ZMYM2: variants seen among roughly 807,000 people sequenced by gnomAD.
ZMYM2 encodes zinc finger MYM-type containing 2, also known as zinc finger MYM-type protein 2.
In ZMYM2, 56 loss-of-function variants were observed where a neutral mutation model predicts 162.8. The observed-to-expected ratio is 0.34, with a 90% CI of 0.28 to 0.43. The LOEUF (loss-of-function observed/expected upper bound fraction) is 0.43, where lower values mean the gene tolerates loss of function less well. Ranked by LOEUF, ZMYM2 falls within the 20% of genes least tolerant of loss-of-function variation. The pLI is 1.00. For synonymous variants in ZMYM2, 510 were observed against 541.6 expected (o/e 0.94, Z 0.81); for missense variants, 1,275 against 1,621.8 (o/e 0.79, Z 3.67).
chr13:19,976,137 T>C (rs1468914162), intron 2 of ZMYM2, among the ~76,000 whole-genome samples: 1 of 152,150 alleles, frequency 6.6e-6, no homozygotes, highest in East Asian at 1.9e-4. Flanking sequence ...ATCGAGACCA[T>C]CCTGCCCAAC....
intron 1 of ZMYM2, among the ~76,000 whole-genome samples, chr13:19,959,215 C>A (rs1278100752): frequency 3.4e-5 from 5 of 147,508 alleles, no homozygotes; most frequent in Admixed American, 6.7e-5. Context: ...GGGTGCCGGC[C>A]GCCCGGGGAG....
intron 2 of ZMYM2, among the ~76,000 whole-genome samples, chr13:19,982,615 A>C (rs1358905843): frequency 6.6e-6 from 1 of 152,124 alleles, no homozygotes; most frequent in African/African-American, 2.4e-5. Context: ...TTGGTGCAAA[A>C]GTAATTGCAG....
chr13:20,022,857 T>C (rs1332500935), intron 7 of ZMYM2, among the ~76,000 whole-genome samples: 1 of 152,164 alleles, frequency 6.6e-6, no homozygotes, highest in Non-Finnish European at 1.5e-5. Flanking sequence ...TTGGATTCCT[T>C]TGGTAATAAG....
At chr13:20,003,219 A>G (rs1594293469) in intron 4 of ZMYM2, 84 bp downstream of exon 4, 1 of 1,437,526 alleles carries the variant, frequency 7.0e-7, no homozygotes, top group Admixed American at 2.5e-5. Flanking sequence ...GATTTGTAAT[A>G]CCTTTGGAAA....
At chr13:19,971,258 ATATATT>A (rs1351030921) in intron 2 of ZMYM2, among the ~76,000 whole-genome samples, 101 of 104,184 alleles carry the variant, frequency 9.7e-4, no homozygotes, top group Non-Finnish European at 1.7e-3. Context: ...ATATATATAT[ATATATT>A]TTTTTTTTTT....
intron 6 of ZMYM2, among the ~76,000 whole-genome samples, chr13:20,014,410 G>C (rs142646334): frequency 6.6e-6 from 1 of 152,124 alleles, no homozygotes; most frequent in African/African-American, 2.4e-5. Context: ...TTACAGGTCT[G>C]TTCACGTTTT....
chr13:20,039,450 C>T lies in ZMYM2; in HGVS notation c.2292+2541C>T, dbSNP rs951415294. On this transcript the variant is annotated intron_variant, in intron 12 of 24. Coordinates refer to ENST00000610343, the MANE Select transcript of ZMYM2 (RefSeq NM_197968.4). ...CTCTTTATTATTTTGAGGTATATTT[C>T]TTCAATACCTAGTTTATTGAGAGTT... 4.9e-4 allele frequency among the ~76,000 whole-genome samples: 71 copies of T among 146,072 alleles called. 1 individual carries two copies. The East Asian group carries it at 0.01, about 21-fold the overall frequency.
chr13:19,940,145 A>G, the ZMYM2 span, among the ~76,000 whole-genome samples: 1 of 152,234 alleles, frequency 6.6e-6, no homozygotes, highest in Admixed American at 6.5e-5. Flanking sequence ...AGTTATGAGG[A>G]AGGCTCCCAT....
intron 21 of ZMYM2, among the ~76,000 whole-genome samples, chr13:20,079,563 T>C (rs192296326): frequency 6.6e-6 from 1 of 152,230 alleles, no homozygotes; most frequent in African/African-American, 2.4e-5. Context: ...GTGTATAGAT[T>C]AGATGTTTGT....
chr13:19,897,169 A>C, the ZMYM2 span, among the ~76,000 whole-genome samples: 9 of 152,166 alleles, frequency 5.9e-5, no homozygotes, highest in East Asian at 1.7e-3. Flanking sequence ...AATATGGAAA[A>C]ATCAACTAAA....
the ZMYM2 span, among the ~76,000 whole-genome samples, chr13:19,914,456 C>A: frequency 1.4e-4 from 21 of 152,320 alleles, no homozygotes; most frequent in African/African-American, 4.8e-4. Flanking sequence ...CTAAGGCCAC[C>A]ACTGAGTGCC....
At chr13:19,883,962 G>A in the ZMYM2 span, among the ~76,000 whole-genome samples, 1 of 152,170 alleles carries the variant, frequency 6.6e-6, no homozygotes, top group Non-Finnish European at 1.5e-5. Flanking sequence ...TCACCATGTT[G>A]CGCAGAATGG....
chr13:19,924,300 C>T, the ZMYM2 span, among the ~76,000 whole-genome samples: 21 of 152,094 alleles, frequency 1.4e-4, no homozygotes, highest in African/African-American at 4.3e-4. Context: ...CACGGTGGCT[C>T]ACGCCTGTAA....
chr13:20,067,366 T>C lies in ZMYM2; in HGVS notation c.3429T>C (p.Tyr1143=), dbSNP rs1158549537. 1 of 1,610,398 alleles carries C rather than the reference T, an allele frequency of 6.2e-7. No individual in the cohort carries two copies. Among genetic ancestry groups the C allele is most frequent in the East Asian group, 2.2e-5 (1 of 44,842 alleles). Residue 1143 remains tyrosine, a synonymous_variant, in exon 21 of 25, where the codon TAT becomes TAC. Coordinates refer to ENST00000610343, the MANE Select transcript of ZMYM2 (RefSeq NM_197968.4). ...NGENYAPDSI[Y]YLCLGIQEYL... ...AGAATTATGCACCTGACAGCATCTATTACCTTTGCCTTGGAATACAGGAGG... is the reference window on the plus strand; with the variant it reads ...AGAATTATGCACCTGACAGCATCTACTACCTTTGCCTTGGAATACAGGAGG...
chr13:20,020,461 G>A (rs1282054132), intron 7 of ZMYM2, among the ~76,000 whole-genome samples: 2 of 152,052 alleles, frequency 1.3e-5, no homozygotes, highest in Non-Finnish European at 2.9e-5. Flanking sequence ...CTGACCTCAG[G>A]TGATCCACCT....
the ZMYM2 span, among the ~76,000 whole-genome samples, chr13:19,943,286 T>A: frequency 6.6e-5 from 10 of 152,304 alleles, no homozygotes; most frequent in African/African-American, 2.4e-4. Flanking sequence ...CTCTTCCTAA[T>A]GACAACATTT....
intron 3 of ZMYM2, among the ~76,000 whole-genome samples, chr13:19,997,894 G>A (rs1950134573): frequency 6.6e-6 from 1 of 151,994 alleles, no homozygotes; most frequent in African/African-American, 2.4e-5. Context: ...TGTCTATTTT[G>A]TATTTAGCTT....
intron 15 of ZMYM2, 31 bp from the exon 16 acceptor site, chr13:20,059,408 TAGTTAACA>T (rs1275370811): frequency 6.2e-7 from 1 of 1,606,832 alleles, no homozygotes; most frequent in Non-Finnish European, 8.5e-7. Flanking sequence ...ATATAAGTGT[TAGTTAACA>T]TTGCTCCTTA....
intron 3 of ZMYM2, 42 bp downstream of exon 3, chr13:19,993,961 A>C (rs777632462): frequency 1.3e-6 from 2 of 1,557,690 alleles, no homozygotes; most frequent in Non-Finnish European, 1.7e-6. Context: ...AATGAATTTA[A>C]ACTTTTGGCT....
Sources: gnomAD v4.1 joint callset for allele counts (sites outside exome capture counted in the v4.1 genomes callset) on GRCh38, gnomAD v4.1.1 for gene constraint, MANE v1.5 for transcripts, NCBI Gene and HGNC (gene_info 2026-07-23, HGNC 2026-07-21) for gene names.